SLC8A2: variants seen among roughly 807,000 people sequenced by gnomAD.
SLC8A2 encodes sodium/calcium exchanger 2.
SLC8A2 carries 14 observed loss-of-function variants against 70.2 expected under a neutral mutation model. The observed-to-expected ratio is 0.20, with a 90% CI of 0.13 to 0.31. The LOEUF (loss-of-function observed/expected upper bound fraction) is 0.31, where lower values mean the gene tolerates loss of function less well. Ranked by LOEUF, SLC8A2 falls within the 10% of genes least tolerant of loss-of-function variation. SLC8A2 has a pLI of 1.00. For missense variants in SLC8A2, 779 were observed against 1,320.1 expected (o/e 0.59, Z 6.35); for synonymous variants, 575 against 594.3 (o/e 0.97, Z 0.47).
chr19:47,454,906 T>C (rs925714819), intron 3 of SLC8A2, among the ~76,000 whole-genome samples: 2 of 152,030 alleles, frequency 1.3e-5, no homozygotes, highest in African/African-American at 4.8e-5. Context: ...GCCAACACGA[T>C]GAAACCCCAT....
At position 47,444,382 on chromosome 19, in the gene SLC8A2, G is replaced by C. The variant is rs190739988; in HGVS notation, c.1764-2942C>G. ...CGCAAGGACAGGCGCACACAAGACG[G>C]CCATGTGGGGACATCCGCCCACCTC... On this transcript the variant is annotated intron_variant, in intron 4 of 9. Coordinates refer to ENST00000236877, the MANE Select transcript of SLC8A2 (RefSeq NM_015063.3). Among the ~76,000 whole-genome samples the C allele has an allele frequency of 1.6e-4, 25 of 152,290 alleles. 1 individual carries two copies. Among genetic ancestry groups the C allele is most frequent in the Middle Eastern group, 3.4e-3 (1 of 294 alleles).
At chr19:47,469,878 T>A (rs1190799475) in intron 1 of SLC8A2, among the ~76,000 whole-genome samples, 2 of 152,108 alleles carry the variant, frequency 1.3e-5, no homozygotes, top group African/African-American at 2.4e-5. Flanking sequence ...GCCAGCTGGG[T>A]CGGCAGTGAG....
chr19:47,430,081 G>A lies in SLC8A2; in HGVS notation c.*8C>T, dbSNP rs1281354051. The stretch of plus-strand genomic sequence containing the variant: ...GCGGGCGGTGGGGACGAGTCTCTGC[G>A]CGAGGCCCTAGAAGCCCCGGATGTG... On this transcript the variant is annotated 3_prime_UTR_variant, in exon 10 of 10. Coordinates refer to ENST00000236877, the MANE Select transcript of SLC8A2 (RefSeq NM_015063.3). The surrounding 1 kb of genome is among the most constrained non-coding windows in gnomAD (Gnocchi z 5.9). 2.5e-6 allele frequency: 4 copies of A among 1,576,330 alleles called. No individual in the cohort carries two copies. In the African/African-American group the frequency reaches 5.4e-5, roughly 21 times the overall value.
intron 7 of SLC8A2, 37 bp from the exon 8 acceptor site, chr19:47,437,598 T>G (rs1308694930): frequency 6.7e-7 from 1 of 1,500,354 alleles, no homozygotes; most frequent in Non-Finnish European, 9.3e-7. Context: ...TCACTGCCCC[T>G]GAGCGAACCA....
At chr19:47,459,798 T>C (rs1485435448) in intron 2 of SLC8A2, among the ~76,000 whole-genome samples, 1 of 152,152 alleles carries the variant, frequency 6.6e-6, no homozygotes, top group African/African-American at 2.4e-5. Flanking sequence ...TGTGTGTGTG[T>C]GTGCGCACAT....
intron 3 of SLC8A2, among the ~76,000 whole-genome samples, chr19:47,452,429 AGAGAGAGAGAGAGAGAGTGTGTGT>A (rs1187894378): frequency 1.8e-5 from 2 of 111,228 alleles, no homozygotes; most frequent in African/African-American, 4.0e-5. Context: ...AGAGAGAGAG[AGAGAGAGAGAGAGAGAGTGTGTGT>A]GTGTGTGTGT....
intron 3 of SLC8A2, among the ~76,000 whole-genome samples, chr19:47,454,027 T>A (rs1967275067): frequency 6.6e-6 from 1 of 152,146 alleles, no homozygotes; most frequent in Non-Finnish European, 1.5e-5. Flanking sequence ...ACACCTGTAG[T>A]CCCAGCTACC....
chr19:47,459,736 T>C (rs888515908), intron 2 of SLC8A2, among the ~76,000 whole-genome samples: 1 of 150,890 alleles, frequency 6.6e-6, no homozygotes, highest in Non-Finnish European at 1.5e-5. Context: ...TCTGTGTGTG[T>C]ATGTGTACGT....
chr19:47,458,035 G>A (rs1967336971), intron 2 of SLC8A2, among the ~76,000 whole-genome samples: 2 of 151,740 alleles, frequency 1.3e-5, no homozygotes. Context: ...ATTTTTTTTA[G>A]TAGAGACGGG....
In SLC8A2 at chr19:47,466,380, C is replaced by G; in HGVS notation, c.24G>C (p.Gly8=). ...GGGGAGCCGCCAGGAGGAGTGTGAC[C>G]CCCACCAAGGCCAGGGGAGCCATGG... The part of the protein sequence containing the change: MAPLALV[G]VTLLLAAPPC... Residue 8 remains glycine (G), a synonymous_variant, in exon 2 of 10, where the codon GGG becomes GGC. Coordinates refer to ENST00000236877, the MANE Select transcript of SLC8A2 (RefSeq NM_015063.3). This position sits in a 1 kb window ranked among gnomAD's most constrained non-coding sequence, Gnocchi z 6.9. The G allele has an allele frequency of 1.4e-6, 2 of 1,433,126 alleles. No homozygotes were observed. The highest frequency in any genetic ancestry group is 1.8e-6 in the Non-Finnish European group (2 of 1,094,464). 88.8% of individuals were successfully genotyped at this position (1,433,126 alleles called of 1,614,324 possible).
chr19:47,448,079 C>G lies in SLC8A2; in HGVS notation c.1493G>C (p.Gly498Ala). ...GDAQGMFEPD[G>A]GGRPKGRLVA... ...CAGCCGCCCCTTGGGCCGCCCGCCG[C>G]CGTCCGGCTCGAACATGCCCTGCGC... The change falls in exon 4 of 10, where the codon GGC becomes GCC. Residue 498 changes from glycine to alanine, a missense_variant. Physicochemically the swap from Gly to Ala is moderately conservative, Grantham distance 60 (BLOSUM62 0). Transcript: ENST00000236877. This position sits in a 1 kb window ranked among gnomAD's most constrained non-coding sequence, Gnocchi z 4.8. The G allele has an allele frequency of 6.3e-7, 1 of 1,597,780 alleles. No homozygotes were observed. The highest frequency in any genetic ancestry group is 8.5e-7 in the Non-Finnish European group (1 of 1,171,984).
chr19:47,462,367 C>G (rs1485517503), intron 2 of SLC8A2, among the ~76,000 whole-genome samples: 1 of 152,066 alleles, frequency 6.6e-6, no homozygotes, highest in South Asian at 2.1e-4. Context: ...CGGGTTCAAG[C>G]GATTCTCCTG....
chr19:47,460,222 A>G (rs967445213), intron 2 of SLC8A2, among the ~76,000 whole-genome samples: 1 of 152,158 alleles, frequency 6.6e-6, no homozygotes, highest in African/African-American at 2.4e-5. Context: ...TCTGCCTCAT[A>G]AAACCAGTTC....
intron 8 of SLC8A2, among the ~76,000 whole-genome samples, chr19:47,437,128 G>A (rs1045162340): frequency 3.3e-5 from 5 of 152,100 alleles, no homozygotes; most frequent in South Asian, 2.1e-4. Context: ...AGTTTGCACC[G>A]TTCATTCTGT....
chr19:47,447,289 C>G lies in SLC8A2; in HGVS notation c.1763+520G>C, dbSNP rs532849933. 6.3e-6 allele frequency: 1 copy of G among 159,782 alleles called. No individual in the cohort carries two copies. Among genetic ancestry groups the G allele is most frequent in the East Asian group, 1.9e-4 (1 of 5,178 alleles). 9.9% of individuals were successfully genotyped at this position (159,782 alleles called of 1,614,324 possible). On this transcript the variant is annotated intron_variant, in intron 4 of 9. Coordinates refer to ENST00000236877, the MANE Select transcript of SLC8A2 (RefSeq NM_015063.3). This position sits in a 1 kb window ranked among gnomAD's most constrained non-coding sequence, Gnocchi z 5.1. The stretch of plus-strand genomic sequence containing the variant: ...CACAGCCACCGACAGCGTCTCATCT[C>G]CACAAGCCTCTCCCCACATCTCCCT...
intron 3 of SLC8A2, among the ~76,000 whole-genome samples, chr19:47,451,747 G>A (rs534484918): frequency 2.0e-5 from 3 of 152,310 alleles, no homozygotes; most frequent in Admixed American, 6.5e-5. Context: ...ATAGAGCATC[G>A]CTTGCATGGG....
At chr19:47,441,258 A>G in intron 5 of SLC8A2, 72 bp from the exon 6 acceptor site, 1 of 1,593,324 alleles carries the variant, frequency 6.3e-7, no homozygotes, top group South Asian at 1.1e-5. Context: ...AGCTTTAAGG[A>G]GTGCCTGCAA....
At chr19:47,434,092 G>A (rs944350209) in intron 8 of SLC8A2, among the ~76,000 whole-genome samples, 5 of 152,244 alleles carry the variant, frequency 3.3e-5, no homozygotes, top group Admixed American at 6.5e-5. Flanking sequence ...TCATGAGAAC[G>A]AACGTAGCTC....
Position 47,432,421 on chromosome 19 carries a change from C to T in SLC8A2, c.2135G>A (p.Gly712Glu). ...SAGDEEEEED[G>E]SREERLPSCF... ...CGACGGCAGCCGCTCCTCCCGGGAC[C>T]CGTCCTCCTCCTCCTCCTCGTCCCC... Residue 712 changes from glycine to glutamate, a missense_variant, in exon 9 of 10, where the codon GGG becomes GAG. Transcript: ENST00000236877. This position sits in a 1 kb window ranked among gnomAD's most constrained non-coding sequence, Gnocchi z 6.2. 1 of 1,604,554 alleles carries T rather than the reference C, an allele frequency of 6.2e-7. No individual in the cohort carries two copies. The highest frequency in any genetic ancestry group is 8.5e-7 in the Non-Finnish European group (1 of 1,174,930).
Sources: allele counts gnomAD v4.1 joint callset (sites outside exome capture counted in the v4.1 genomes callset), GRCh38; gene constraint gnomAD v4.1.1; non-coding constraint Gnocchi (gnomAD v3.1); transcripts MANE v1.5; gene names NCBI Gene and HGNC (gene_info 2026-07-23, HGNC 2026-07-21).